Variants in FSHR observed in about 807,000 individuals in gnomAD.
FSHR encodes follicle-stimulating hormone receptor.
Under a neutral mutation model 52.1 loss-of-function variants are expected in FSHR, and 46 were observed. The ratio of observed to expected loss-of-function variants is 0.88; its 90% CI spans 0.70 to 1.13. The LOEUF (loss-of-function observed/expected upper bound fraction) is 1.13. FSHR is among the 50% of genes most tolerant of loss of function. The pLI is 0.00. For missense variants in FSHR, 964 were observed against 834.6 expected, an observed-to-expected ratio of 1.16 and a Z score of -1.91; for synonymous variants, 399 against 309.6, an observed-to-expected ratio of 1.29 and a Z score of -3.03.
chr2:49,080,050 G>A (rs1302487144), intron 1 of FSHR, among the ~76,000 whole-genome samples: 1 of 151,864 alleles, frequency 6.6e-6, no homozygotes, highest in Non-Finnish European at 1.5e-5. Flanking sequence ...ATATGAACAG[G>A]CAATTTATAG....
intron 4 of FSHR, among the ~76,000 whole-genome samples, chr2:49,000,514 G>C (rs930021618): frequency 6.6e-6 from 1 of 152,172 alleles, no homozygotes; most frequent in Admixed American, 6.5e-5. Context: ...GTCATAGTTG[G>C]AGTTTTCCCT....
chr2:49,013,149 C>T, intron 4 of FSHR, among the ~76,000 whole-genome samples: 1 of 150,274 alleles, frequency 6.7e-6, no homozygotes, highest in Non-Finnish European at 1.5e-5. Flanking sequence ...TTCTCACTCT[C>T]ACTCTTGGTA....
At chr2:49,146,044 A>T (rs1204583959) in intron 1 of FSHR, among the ~76,000 whole-genome samples, 3 of 151,992 alleles carry the variant, frequency 2.0e-5, no homozygotes, top group Non-Finnish European at 4.4e-5. Flanking sequence ...AATACAGAGG[A>T]TCTTAATGCC....
intron 1 of FSHR, among the ~76,000 whole-genome samples, chr2:49,137,708 A>G (rs1233191469): frequency 6.6e-6 from 1 of 152,166 alleles, no homozygotes; most frequent in East Asian, 1.9e-4. Flanking sequence ...CTGATTTTCA[A>G]TATGGTCCCA....
intron 2 of FSHR, among the ~76,000 whole-genome samples, chr2:49,046,332 C>T (rs960317110): frequency 4.6e-5 from 7 of 152,138 alleles, no homozygotes; most frequent in African/African-American, 1.7e-4. Flanking sequence ...ATTATCTGGG[C>T]TACACTTTTG....
chr2:49,034,168 C>T (rs1473853078), intron 2 of FSHR, among the ~76,000 whole-genome samples: 1 of 152,164 alleles, frequency 6.6e-6, no homozygotes, highest in Non-Finnish European at 1.5e-5. Context: ...TGACTTTCTG[C>T]CTGCCACTCC....
intron 1 of FSHR, among the ~76,000 whole-genome samples, chr2:49,114,040 C>T (rs1030148558): frequency 6.6e-6 from 1 of 152,132 alleles, no homozygotes; most frequent in Admixed American, 6.6e-5. Context: ...AAGCATGCTC[C>T]TTCTCCACCT....
intron 1 of FSHR, among the ~76,000 whole-genome samples, chr2:49,093,593 A>AT (rs1670698665): frequency 7.7e-6 from 1 of 130,302 alleles, no homozygotes. Flanking sequence ...CATTATATTT[A>AT]TCTTTTTTTT....
At chr2:49,087,186 C>A (rs1184758238) in intron 1 of FSHR, among the ~76,000 whole-genome samples, 8 of 145,734 alleles carry the variant, frequency 5.5e-5, no homozygotes, top group Non-Finnish European at 1.2e-4. Flanking sequence ...GATATATACA[C>A]TTTCCATTGG....
At chr2:49,104,836 G>C (rs776647031) in intron 1 of FSHR, among the ~76,000 whole-genome samples, 5 of 145,252 alleles carry the variant, frequency 3.4e-5, no homozygotes, top group Non-Finnish European at 7.6e-5. Flanking sequence ...GCCCCCTCTT[G>C]GTATGGGGTG....
At chr2:49,135,766 T>C (rs1464111438) in intron 1 of FSHR, among the ~76,000 whole-genome samples, 1 of 152,230 alleles carries the variant, frequency 6.6e-6, no homozygotes, top group African/African-American at 2.4e-5. Context: ...ACATTCTGTA[T>C]GTGTATTGTA....
intron 2 of FSHR, among the ~76,000 whole-genome samples, chr2:49,020,506 CAT>C (rs1491440000): frequency 2.6e-5 from 3 of 117,432 alleles, no homozygotes; most frequent in Middle Eastern, 3.9e-3. Flanking sequence ...GGTCAGTAAA[CAT>C]TTTTTTTTTT....
chr2:49,010,511 C>T (rs938151109), intron 4 of FSHR, among the ~76,000 whole-genome samples: 40 of 151,980 alleles, frequency 2.6e-4, no homozygotes, highest in African/African-American at 6.7e-4. Context: ...TGTCTCTGCC[C>T]GGCTTTGGTA....
chr2:48,983,299 G>T lies in FSHR; in HGVS notation c.525-133C>A. ...AAAGAAAATGCCACTTTTAAAGCTT[G>T]GGGACACGGGTGGGAGGAAGACTGA... On this transcript the variant is annotated intron_variant, in intron 6 of 9. Transcript: ENST00000406846. The T allele has an allele frequency of 3.9e-6, 3 of 762,478 alleles. No homozygotes were observed. In the Admixed American group the frequency reaches 6.0e-5, roughly 15 times the overall value. 47.2% of individuals were successfully genotyped at this position (762,478 alleles called of 1,614,324 possible).
intron 8 of FSHR, among the ~76,000 whole-genome samples, chr2:48,977,612 G>C (rs1675050434): frequency 6.6e-6 from 1 of 152,286 alleles, no homozygotes; most frequent in East Asian, 1.9e-4. Context: ...GGCATCTGCT[G>C]TATATTACTA....
intron 1 of FSHR, among the ~76,000 whole-genome samples, chr2:49,137,981 C>G (rs1173987964): frequency 1.3e-5 from 2 of 151,930 alleles, no homozygotes; most frequent in East Asian, 3.9e-4. Context: ...CTTTATGCTT[C>G]AAAGGACACC....
At chr2:48,982,860 C>G in intron 8 of FSHR, 52 bp downstream of exon 8, 1 of 1,481,326 alleles carries the variant, frequency 6.8e-7, no homozygotes, top group Non-Finnish European at 9.4e-7. Flanking sequence ...GAGTTGACTT[C>G]TAACTTACAC....
intron 2 of FSHR, among the ~76,000 whole-genome samples, chr2:49,051,865 G>A (rs933004265): frequency 1.3e-5 from 2 of 152,038 alleles, no homozygotes; most frequent in African/African-American, 4.8e-5. Flanking sequence ...TAAATTTTGT[G>A]TATAACATGA....
At chr2:48,967,099 TTTC>T (rs1480029463) in intron 9 of FSHR, among the ~76,000 whole-genome samples, 1 of 152,054 alleles carries the variant, frequency 6.6e-6, no homozygotes, top group African/African-American at 2.4e-5. Context: ...ATCTTAACAT[TTTC>T]TTCTTTTTTT....
Sources: allele counts gnomAD v4.1 joint callset (sites outside exome capture counted in the v4.1 genomes callset), GRCh38; gene constraint gnomAD v4.1.1; transcripts MANE v1.5; gene names NCBI Gene and HGNC (gene_info 2026-07-23, HGNC 2026-07-21).